The following PFKP variants were observed in gnomAD, a reference collection of about 807,000 sequenced individuals.
PFKP encodes the protein phosphofructokinase, platelet, also known as ATP-dependent 6-phosphofructokinase, platelet type.
PFKP carries 101 observed loss-of-function variants against 94.3 expected under a neutral mutation model. The ratio of observed to expected loss-of-function variants is 1.07; its 90% CI spans 0.91 to 1.26. The LOEUF (loss-of-function observed/expected upper bound fraction) is 1.26, where lower values mean the gene tolerates loss of function less well. Ranked by LOEUF, PFKP falls within the 50% of genes most tolerant of loss-of-function variation. The probability of loss-of-function intolerance (pLI) is 0.00; values close to 1 mark genes in which losing one functional copy is unlikely to be tolerated. For synonymous variants in PFKP, 573 were observed against 432.6 expected, an observed-to-expected ratio of 1.32 and a Z score of -4.03; for missense variants, 1,145 against 1,103.3, an observed-to-expected ratio of 1.04 and a Z score of -0.53.
chr10:3,102,130 A>G lies in PFKP; in HGVS notation c.454+576A>G, dbSNP rs913774297. ...GCCGGGCGTAGTGGCGGGCGCCTGT[A>G]GTCCCAGCTACTTGGGAGGCTGAGG... On this transcript the variant is annotated intron_variant, in intron 4 of 21. Transcript: ENST00000381125. Among the ~76,000 whole-genome samples the G allele has an allele frequency of 2.1e-3, 314 of 148,744 alleles. 2 individuals carry two copies. Among genetic ancestry groups the G allele is most frequent in the African/African-American group, 7.1e-3 (289 of 40,834 alleles).
In PFKP at chr10:3,068,769, C is replaced by T. The variant is rs748229228; in HGVS notation, c.112+1062C>T. On this transcript the variant is annotated intron_variant, in intron 1 of 21. Coordinates refer to ENST00000381125, the MANE Select transcript of PFKP (RefSeq NM_002627.5). ...TAGATCGGCGCTTCCCAGGCGAACGCAACCTGGGAGCCTTAGCGATCGCGC... is the reference window on the plus strand; with the variant it reads ...TAGATCGGCGCTTCCCAGGCGAACGTAACCTGGGAGCCTTAGCGATCGCGC... The T allele has an allele frequency of 9.0e-4, 766 of 850,412 alleles. 1 individual carries two copies. Among genetic ancestry groups the T allele is most frequent in the Admixed American group, 1.4e-3 (23 of 16,076 alleles). The allele number at this position is 850,412 out of a possible 1,614,324, so 52.7% of individuals were successfully genotyped here.
At chr10:3,133,679 C>T (rs1838871168) in intron 19 of PFKP, among the ~76,000 whole-genome samples, 1 of 152,222 alleles carries the variant, frequency 6.6e-6, no homozygotes, top group Non-Finnish European at 1.5e-5. Flanking sequence ...GATTCACCCA[C>T]CTCAGCCTCC....
chr10:3,113,593 C>A, intron 13 of PFKP, 75 bp downstream of exon 13: 3 of 1,256,850 alleles, frequency 2.4e-6, no homozygotes, highest in South Asian at 1.4e-5. Flanking sequence ...CGGGGGGGTG[C>A]CCTCCATGGC....
chr10:3,093,636 A>ATTTT (rs1834231027), intron 2 of PFKP, among the ~76,000 whole-genome samples: 1 of 98,782 alleles, frequency 1.0e-5, no homozygotes, highest in Non-Finnish European at 2.0e-5. Context: ...AACAAGCATT[A>ATTTT]TCTTTTTTTT....
intron 1 of PFKP, among the ~76,000 whole-genome samples, chr10:3,078,811 C>T (rs1032490635): frequency 6.6e-5 from 10 of 152,280 alleles, no homozygotes; most frequent in East Asian, 1.9e-4. Context: ...CAGCAAGGGA[C>T]GTCCTACTGG....
chr10:3,127,329 C>A (rs1472295845), intron 16 of PFKP, among the ~76,000 whole-genome samples: 1 of 152,246 alleles, frequency 6.6e-6, no homozygotes, highest in African/African-American at 2.4e-5. Context: ...CCTGGCGGGA[C>A]CAGAACTCAG....
intron 10 of PFKP, 63 bp from the exon 11 acceptor site, chr10:3,112,159 A>C: frequency 1.1e-5 from 14 of 1,328,538 alleles, no homozygotes; most frequent in Non-Finnish European, 1.5e-5. Context: ...GTCTCTACCT[A>C]CCCCATCCAT....
chr10:3,107,353 AAGCAGGGGAGGCT>A, intron 8 of PFKP, 44 bp downstream of exon 8: 1 of 1,225,300 alleles, frequency 8.2e-7, no homozygotes, highest in South Asian at 1.2e-5. Flanking sequence ...TTCTGCCTGG[AAGCAGGGGAGGCT>A]AGCGTCATGG....
intron 15 of PFKP, among the ~76,000 whole-genome samples, chr10:3,119,537 G>A (rs7911657): frequency 0.84 from 126,959 of 151,874 alleles, 53,160 homozygotes; most frequent in East Asian, 0.88. Flanking sequence ...CCCGGGAGGC[G>A]GAGGTTGCAG....
chr10:3,121,754 T>TC (rs1837427518), intron 16 of PFKP, among the ~76,000 whole-genome samples: 1 of 151,482 alleles, frequency 6.6e-6, no homozygotes, highest in South Asian at 2.1e-4. Flanking sequence ...ATGCAGTTTT[T>TC]CATTCATTCG....
intron 14 of PFKP, 61 bp from the exon 15 acceptor site, chr10:3,118,721 G>A (rs3829912): frequency 0.21 from 256,439 of 1,227,408 alleles, 28,500 homozygotes; most frequent in East Asian, 0.4. Flanking sequence ...CCGGCGTGGC[G>A]TCCTGCGGAC....
At chr10:3,069,415 G>A (rs181332547) in intron 1 of PFKP, 5 of 1,572,136 alleles carry the variant, frequency 3.2e-6, no homozygotes, top group African/African-American at 1.4e-5. Context: ...CCTTGGGGTC[G>A]GGATAGGACC....
In PFKP at chr10:3,133,269, A is replaced by G. The variant is rs752539916; in HGVS notation, c.1977A>G (p.Lys659=). The change falls in exon 19 of 22, where the codon AAA becomes AAG. Residue 659 remains lysine, a synonymous_variant. Coordinates refer to ENST00000381125, the MANE Select transcript of PFKP (RefSeq NM_002627.5). ...FIYQLYSEEG[K]GVFDCRKNVL... ...ACCAGCTGTATTCAGAAGAGGGCAA[A>G]GGCGTGTTTGACTGCAGGAAGAACG... 3 of 1,614,148 alleles carry G rather than the reference A, an allele frequency of 1.9e-6. No individual in the cohort carries two copies. Among genetic ancestry groups the G allele is most frequent in the Middle Eastern group, 1.6e-4 (1 of 6,062 alleles).
In PFKP at chr10:3,093,900, C is replaced by T. The variant is rs1421944283; in HGVS notation, c.187-5375C>T. On this transcript the variant is annotated intron_variant, in intron 2 of 21. Coordinates refer to ENST00000381125, the MANE Select transcript of PFKP (RefSeq NM_002627.5). ...CCTTGTGATCCGCCCGCCTTGGCCTCCCAAAGTGCTGGGATTACAGGCGTG... is the reference window on the plus strand; with the variant it reads ...CCTTGTGATCCGCCCGCCTTGGCCTTCCAAAGTGCTGGGATTACAGGCGTG... Among the ~76,000 whole-genome samples the T allele has an allele frequency of 2.6e-5, 4 of 152,280 alleles. No individual in the cohort carries two copies. In the East Asian group the frequency reaches 5.8e-4, roughly 22 times the overall value.
chr10:3,134,849 G>A lies in PFKP; in HGVS notation c.2122+267G>A, dbSNP rs142615461. 9.2e-5 allele frequency among the ~76,000 whole-genome samples: 14 copies of A among 152,342 alleles called. No individual in the cohort carries two copies. In the East Asian group the frequency reaches 2.7e-3, roughly 29 times the overall value. ...TCTTTTGTGCAGGCTTTTTGCTCTA[G>A]AGATCCTGAACGTTGGCCAGCAATT... On this transcript the variant is annotated intron_variant, in intron 20 of 21. Coordinates refer to ENST00000381125, the MANE Select transcript of PFKP (RefSeq NM_002627.5).
intron 21 of PFKP, 89 bp from the exon 22 acceptor site, chr10:3,136,361 C>A: frequency 1.5e-5 from 21 of 1,408,344 alleles, no homozygotes; most frequent in Non-Finnish European, 2.0e-5. Flanking sequence ...CCCTGTGTTT[C>A]TGGCAAGACC....
intron 1 of PFKP, 45 bp downstream of exon 1, chr10:3,067,752 AG>A (rs557899965): frequency 4.0e-5 from 43 of 1,068,996 alleles, no homozygotes; most frequent in East Asian, 6.6e-5. Context: ...GGACGGACGG[AG>A]CTGGGGAGAA....
chr10:3,072,070 G>A (rs755720803), intron 1 of PFKP, among the ~76,000 whole-genome samples: 1 of 152,232 alleles, frequency 6.6e-6, no homozygotes, highest in Non-Finnish European at 1.5e-5. Flanking sequence ...GAATGCAAGT[G>A]TTTGCTGCCT....
At chr10:3,090,374 G>T (rs1013885959) in intron 2 of PFKP, among the ~76,000 whole-genome samples, 1 of 152,196 alleles carries the variant, frequency 6.6e-6, no homozygotes, top group African/African-American at 2.4e-5. Context: ...TTGCCCTCCT[G>T]TCTCCCTGGT....
Sources: gnomAD v4.1 joint callset for allele counts (sites outside exome capture counted in the v4.1 genomes callset) on GRCh38, gnomAD v4.1.1 for gene constraint, MANE v1.5 for transcripts, NCBI Gene and HGNC (gene_info 2026-07-23, HGNC 2026-07-21) for gene names.